The following ABCA1 variants were observed in gnomAD, a reference collection of about 807,000 sequenced individuals.
The protein encoded by ABCA1 is phospholipid-transporting ATPase ABCA1.
ABCA1 carries 133 observed loss-of-function variants against 262.5 expected under a neutral mutation model. The ratio of observed to expected loss-of-function variants is 0.51; its 90% CI spans 0.44 to 0.59. The LOEUF (loss-of-function observed/expected upper bound fraction) is 0.59, where lower values mean the gene tolerates loss of function less well. ABCA1 is among the 20% of genes least tolerant of loss of function. The pLI, the probability that ABCA1 is intolerant of heterozygous loss-of-function variation, is 0.00. For missense variants in ABCA1, 2,452 were observed against 2,777.5 expected, an observed-to-expected ratio of 0.88 and a Z score of 2.63; for synonymous variants, 1,022 against 1,043.5, an observed-to-expected ratio of 0.98 and a Z score of 0.40.
rs778598605 is a variant in ABCA1 at position 104,816,199 on chromosome 9, G to A, written c.3682C>T (p.Arg1228Trp). Residue 1228 changes from arginine (R) to tryptophan (W), a missense_variant, in exon 25 of 50, where the codon CGG becomes TGG. Around this residue, in one of 4 missense-constraint regions of ABCA1, gnomAD observed 665 missense variants for 727.3 expected, o/e 0.91. Transcript: ENST00000374736. ...CTAGAAATGCCCAGGTCTGAGAGCCGGTCATCAATCTCATGAAAGAGTTCC... is the reference window on the plus strand; with the variant it reads ...CTAGAAATGCCCAGGTCTGAGAGCCAGTCATCAATCTCATGAAAGAGTTCC... ...FVELFHEIDD[R>W]LSDLGISSYG... 9.9e-6 allele frequency: 16 copies of A among 1,614,080 alleles called. No homozygotes were observed. The highest frequency in any genetic ancestry group is 6.7e-5 in the East Asian group (3 of 44,864).
At chr9:104,899,946 G>A (rs879414462) in intron 2 of ABCA1, among the ~76,000 whole-genome samples, 1 of 152,154 alleles carries the variant, frequency 6.6e-6, no homozygotes, top group South Asian at 2.1e-4. Flanking sequence ...CAAGTTAACT[G>A]TTACTTTGGA....
chr9:104,924,816 C>T (rs1014003693), intron 1 of ABCA1, among the ~76,000 whole-genome samples: 8 of 151,840 alleles, frequency 5.3e-5, no homozygotes, highest in African/African-American at 1.9e-4. Context: ...TTAAGTATCC[C>T]GGCTTACGGG....
In ABCA1 at chr9:104,796,370, GC is replaced by G; in HGVS notation, c.5175del (p.Gln1725HisfsTer14). ...TTGGTGGAGGACACATAGGACTTCT[GC>G]TGGAAGCAGATGAAGATGATAATGA... ...TLVIIIFICF[Q>X]QKSYVSSTNL... On this transcript the variant is annotated frameshift_variant, in exon 38 of 50. Coordinates refer to ENST00000374736, the MANE Select transcript of ABCA1 (RefSeq NM_005502.4). LOFTEE classifies it high-confidence loss of function. The G allele has an allele frequency of 6.2e-7, 1 of 1,614,222 alleles. No homozygotes were observed.
rs1297305839 is a variant in ABCA1 at position 104,858,622 on chromosome 9, C to T, written c.620G>A (p.Gly207Asp). ...GSKSEEMIQL[G>D]DQEVSELCGL... The stretch of plus-strand genomic sequence containing the variant: ...ACAAAGCTCAGAAACTTCTTGGTCA[C>T]CAAGTTGAATCATCTCTTCTGATTT... The change falls in exon 7 of 50, where the codon GGT becomes GAT. Residue 207 changes from glycine to aspartate, a missense_variant. Gly to Asp is a moderately conservative substitution (Grantham distance 94). Coordinates refer to ENST00000374736, the MANE Select transcript of ABCA1 (RefSeq NM_005502.4). 2 of 1,614,146 alleles carry T rather than the reference C, an allele frequency of 1.2e-6. No individual in the cohort carries two copies. The highest frequency in any genetic ancestry group is 1.7e-6 in the Non-Finnish European group (2 of 1,180,020).
intron 1 of ABCA1, among the ~76,000 whole-genome samples, chr9:104,924,574 C>A (rs765306443): frequency 4.0e-5 from 6 of 149,700 alleles, no homozygotes; most frequent in Admixed American, 1.3e-4. Context: ...CATTCTACTG[C>A]GCTCCAGCCT....
intron 7 of ABCA1, chr9:104,855,487 G>A (rs1357472680): frequency 3.0e-5 from 16 of 541,892 alleles, no homozygotes. Flanking sequence ...CAACAGATGT[G>A]AGCCACTGTG....
At chr9:104,860,041 G>C (rs1424863562) in intron 6 of ABCA1, among the ~76,000 whole-genome samples, 1 of 140,260 alleles carries the variant, frequency 7.1e-6, no homozygotes, top group Non-Finnish European at 1.5e-5. Context: ...GTGACAGAGC[G>C]AGACTCCAAC....
At chr9:104,819,761 C>A in intron 21 of ABCA1, 38 bp from the exon 22 acceptor site, 1 of 1,614,004 alleles carries the variant, frequency 6.2e-7, no homozygotes, top group South Asian at 1.1e-5. Context: ...CCAGGACCAG[C>A]CCCAGACAGT....
chr9:104,885,165 G>T (rs770781174), intron 3 of ABCA1, among the ~76,000 whole-genome samples: 1 of 152,206 alleles, frequency 6.6e-6, no homozygotes, highest in African/African-American at 2.4e-5. Context: ...GAACTCAGGA[G>T]GGGGAGGTTG....
At chr9:104,907,819 C>T (rs1343482640) in intron 1 of ABCA1, among the ~76,000 whole-genome samples, 1 of 152,258 alleles carries the variant, frequency 6.6e-6, no homozygotes. Context: ...TCCTCACCCT[C>T]AAGCCCGAGG....
At chr9:104,822,383 T>G in intron 19 of ABCA1, 113 bp downstream of exon 19, 2 of 1,398,060 alleles carry the variant, frequency 1.4e-6, no homozygotes, top group Admixed American at 3.4e-5. Flanking sequence ...CAACTCCTCA[T>G]GTGCTCCTTC....
chr9:104,831,220 T>TA, intron 13 of ABCA1, 119 bp from the exon 14 acceptor site: 4 of 995,182 alleles, frequency 4.0e-6, no homozygotes, highest in African/African-American at 1.7e-5. Flanking sequence ...TATTTTTGTA[T>TA]CTTTTTTTTT....
intron 2 of ABCA1, among the ~76,000 whole-genome samples, chr9:104,892,798 G>C (rs1839866179): frequency 6.6e-6 from 1 of 152,094 alleles, no homozygotes; most frequent in African/African-American, 2.4e-5. Flanking sequence ...TTCATCCTAG[G>C]AAACTGAACT....
chr9:104,871,130 G>T (rs1354828565), intron 5 of ABCA1, among the ~76,000 whole-genome samples: 1 of 152,128 alleles, frequency 6.6e-6, no homozygotes, highest in African/African-American at 2.4e-5. Flanking sequence ...TTGAGGGAGA[G>T]GCTTCAGTCC....
At chr9:104,876,793 G>A (rs561427698) in intron 5 of ABCA1, among the ~76,000 whole-genome samples, 1 of 152,280 alleles carries the variant, frequency 6.6e-6, no homozygotes, top group Non-Finnish European at 1.5e-5. Flanking sequence ...ATGGCAGGTG[G>A]CTTGGAGTGG....
At chr9:104,835,277 G>A (rs895618042) in intron 11 of ABCA1, among the ~76,000 whole-genome samples, 4 of 151,098 alleles carry the variant, frequency 2.6e-5, no homozygotes, top group African/African-American at 9.7e-5. Flanking sequence ...AGAGAGGGAA[G>A]AAGCAAAGAA....
intron 15 of ABCA1, 134 bp from the exon 16 acceptor site, chr9:104,827,303 T>C: frequency 1.3e-6 from 1 of 781,716 alleles, no homozygotes; most frequent in East Asian, 2.7e-5. Flanking sequence ...CTGTTCATCT[T>C]TCTGATGAGG....
At chr9:104,855,981 A>G in intron 7 of ABCA1, 1 of 1,612,894 alleles carries the variant, frequency 6.2e-7, no homozygotes, top group Non-Finnish European at 8.5e-7. Context: ...TTGAAAGAAG[A>G]GTTTCTCTCC....
At chr9:104,857,097 G>A (rs1273716527) in intron 7 of ABCA1, among the ~76,000 whole-genome samples, 1 of 152,126 alleles carries the variant, frequency 6.6e-6, no homozygotes, top group Non-Finnish European at 1.5e-5. Flanking sequence ...TTGAGCTCAG[G>A]AGTTCGAGAC....
Sources: allele counts gnomAD v4.1 joint callset (sites outside exome capture counted in the v4.1 genomes callset), GRCh38; gene constraint gnomAD v4.1.1; regional missense constraint gnomAD v4.1.1; transcripts MANE v1.5; gene names NCBI Gene and HGNC (gene_info 2026-07-23, HGNC 2026-07-21).